Variants in BTBD9 observed in about 807,000 individuals in gnomAD.
BTBD9 encodes BTB/POZ domain-containing protein 9.
In BTBD9, 49 loss-of-function variants were observed where a neutral mutation model predicts 64.3. The observed-to-expected ratio is 0.76, with a 90% CI of 0.61 to 0.97. The LOEUF (loss-of-function observed/expected upper bound fraction) is 0.97, where lower values mean the gene tolerates loss of function less well. Ranked by LOEUF, BTBD9 falls within the 50% of genes least tolerant of loss-of-function variation. The pLI, the probability that BTBD9 is intolerant of heterozygous loss-of-function variation, is 0.00. For missense variants in BTBD9, 598 were observed against 762.1 expected (o/e 0.78, Z 2.53); for synonymous variants, 260 against 274.7 (o/e 0.95, Z 0.53).
chr6:38,450,898 C>T (rs984126352), intron 6 of BTBD9, among the ~76,000 whole-genome samples: 2 of 152,124 alleles, frequency 1.3e-5, no homozygotes, highest in African/African-American at 2.4e-5. Flanking sequence ...ACCTTTGAAG[C>T]TTCATCTATC....
intron 6 of BTBD9, among the ~76,000 whole-genome samples, chr6:38,436,372 ATTTTT>A (rs10647439): frequency 1.7e-5 from 2 of 118,324 alleles, no homozygotes; most frequent in African/African-American, 6.6e-5. Flanking sequence ...CCCCAATTCT[ATTTTT>A]TTTTTTTTTT....
At chr6:38,442,003 T>C (rs1676138899) in intron 6 of BTBD9, among the ~76,000 whole-genome samples, 1 of 152,014 alleles carries the variant, frequency 6.6e-6, no homozygotes, top group Non-Finnish European at 1.5e-5. Context: ...ATTCCCGAGA[T>C]GGTAAAAGTT....
intron 4 of BTBD9, among the ~76,000 whole-genome samples, chr6:38,585,009 G>A (rs957868250): frequency 1.3e-5 from 2 of 150,644 alleles, no homozygotes; most frequent in Admixed American, 6.6e-5. Context: ...ATTTAGGCAA[G>A]TTACATAGAT....
At chr6:38,461,169 C>T (rs74418557) in intron 6 of BTBD9, among the ~76,000 whole-genome samples, 4,602 of 152,232 alleles carry the variant, frequency 0.03, 137 homozygotes, top group East Asian at 0.096. Flanking sequence ...CTTTTAACAA[C>T]TTTATTGAGG....
intron 7 of BTBD9, among the ~76,000 whole-genome samples, chr6:38,303,280 T>G (rs1762479471): frequency 6.6e-6 from 1 of 151,954 alleles, no homozygotes; most frequent in Admixed American, 6.6e-5. Context: ...CAGGTCTTAC[T>G]TTTAAGTCTT....
At chr6:38,384,749 A>C (rs1163599924) in intron 6 of BTBD9, among the ~76,000 whole-genome samples, 1 of 152,184 alleles carries the variant, frequency 6.6e-6, no homozygotes, top group Non-Finnish European at 1.5e-5. Context: ...AAACATTCCC[A>C]GGGTAAAAGG....
At chr6:38,611,458 A>C (rs557866361) in intron 1 of BTBD9, among the ~76,000 whole-genome samples, 1 of 152,196 alleles carries the variant, frequency 6.6e-6, no homozygotes, top group Non-Finnish European at 1.5e-5. Flanking sequence ...TTTCTTAAAA[A>C]CATAGATGAC....
intron 6 of BTBD9, among the ~76,000 whole-genome samples, chr6:38,512,066 C>T (rs915951439): frequency 8.5e-5 from 13 of 152,096 alleles, no homozygotes; most frequent in Admixed American, 2.6e-4. Flanking sequence ...CTCTGCCTCC[C>T]GGGTTCAAGT....
intron 6 of BTBD9, among the ~76,000 whole-genome samples, chr6:38,347,774 A>G (rs891960165): frequency 1.3e-5 from 2 of 152,150 alleles, no homozygotes; most frequent in Non-Finnish European, 2.9e-5. Context: ...GGGTGGGTGG[A>G]TCACTTGAGG....
At chr6:38,502,593 G>A (rs938485385) in intron 6 of BTBD9, among the ~76,000 whole-genome samples, 3 of 152,122 alleles carry the variant, frequency 2.0e-5, no homozygotes, top group Non-Finnish European at 2.9e-5. Flanking sequence ...AATCCCCAAG[G>A]CAAATACACA....
At chr6:38,328,594 T>TGTGTGTGTGTGTGTGTGTGA (rs1763535395) in intron 7 of BTBD9, among the ~76,000 whole-genome samples, 2 of 151,226 alleles carry the variant, frequency 1.3e-5, no homozygotes, top group Admixed American at 6.6e-5. Flanking sequence ...TGTGTGTGTG[T>TGTGTGTGTGTGTGTGTGTGA]GTGTGTGTGT....
intron 6 of BTBD9, among the ~76,000 whole-genome samples, chr6:38,409,340 T>C (rs1767307951): frequency 6.6e-6 from 1 of 152,242 alleles, no homozygotes; most frequent in Non-Finnish European, 1.5e-5. Flanking sequence ...TCAGCATACT[T>C]TTCTGAGATA....
chr6:38,565,277 A>G (rs1371465895), intron 6 of BTBD9, among the ~76,000 whole-genome samples: 1 of 152,192 alleles, frequency 6.6e-6, no homozygotes, highest in Non-Finnish European at 1.5e-5. Flanking sequence ...TTGCAGCTGG[A>G]TAATTCTTTG....
At chr6:38,196,459 A>G (rs1217422383) in intron 9 of BTBD9, among the ~76,000 whole-genome samples, 2 of 152,224 alleles carry the variant, frequency 1.3e-5, no homozygotes, top group Non-Finnish European at 2.9e-5. Context: ...CTCATCTGTG[A>G]GCTGTCAAGT....
intron 6 of BTBD9, among the ~76,000 whole-genome samples, chr6:38,376,148 T>C (rs377548209): frequency 3.1e-4 from 47 of 152,092 alleles, no homozygotes; most frequent in Admixed American, 1.4e-3. Flanking sequence ...GGCATTTTTT[T>C]CCCCCACAAA....
chr6:38,437,074 T>C (rs903104601), intron 6 of BTBD9, among the ~76,000 whole-genome samples: 1 of 152,196 alleles, frequency 6.6e-6, no homozygotes, highest in South Asian at 2.1e-4. Context: ...TGATAATGCA[T>C]ATTAAGCATC....
intron 9 of BTBD9, among the ~76,000 whole-genome samples, chr6:38,197,202 C>T (rs968672118): frequency 6.6e-6 from 1 of 152,152 alleles, no homozygotes; most frequent in African/African-American, 2.4e-5. Flanking sequence ...GTTCCCAACA[C>T]AATCTTTTGG....
chr6:38,233,411 C>A (rs148785434), intron 9 of BTBD9, among the ~76,000 whole-genome samples: 4 of 152,166 alleles, frequency 2.6e-5, no homozygotes, highest in Non-Finnish European at 5.9e-5. Flanking sequence ...CAGTTCTTTG[C>A]GGCACATATT....
chr6:38,287,111 CA>C (rs1761765805), intron 8 of BTBD9, among the ~76,000 whole-genome samples: 1 of 46,954 alleles, frequency 2.1e-5, no homozygotes, highest in Non-Finnish European at 4.5e-5. Context: ...AAAAAATATA[CA>C]CACACACACA....
Sources: allele counts gnomAD v4.1 joint callset (sites outside exome capture counted in the v4.1 genomes callset), GRCh38; gene constraint gnomAD v4.1.1; transcripts MANE v1.5; gene names NCBI Gene and HGNC (gene_info 2026-07-23, HGNC 2026-07-21).